MCTP1: variants seen among roughly 807,000 people sequenced by gnomAD.
The protein encoded by MCTP1 is multiple C2 and transmembrane domain containing 1.
Under a neutral mutation model 120.6 loss-of-function variants are expected in MCTP1, and 69 were observed. That is an observed-to-expected ratio of 0.57 (90% confidence interval 0.47 to 0.70). The LOEUF is 0.70. Among genes scored for constraint, MCTP1 ranks in the 30% least tolerant of loss-of-function variants. The probability of loss-of-function intolerance (pLI) is 0.00; values close to 1 mark genes in which losing one functional copy is unlikely to be tolerated. For synonymous variants in MCTP1, 529 were observed against 493.1 expected, an observed-to-expected ratio of 1.07 and a Z score of -0.96; for missense variants, 1,203 against 1,248.8, an observed-to-expected ratio of 0.96 and a Z score of 0.55.
In MCTP1 at chr5:94,883,146, GT is replaced by G. The variant is rs567504867; in HGVS notation, c.1933+5732del. 1.6e-4 allele frequency among the ~76,000 whole-genome samples: 25 copies of G among 152,214 alleles called. No homozygotes were observed. In the South Asian group the frequency reaches 5.0e-3, roughly 30 times the overall value. Reference sequence around the variant, plus strand: ...TTCTTTCCCTGTGATATTTTTATTTGTTTAGGCTCATTCTTAAGGAAAAGAT... The same window carrying G: ...TTCTTTCCCTGTGATATTTTTATTTGTTAGGCTCATTCTTAAGGAAAAGAT... On this transcript the variant is annotated intron_variant, in intron 12 of 22. Transcript: ENST00000515393.
At chr5:94,721,773 T>C (rs1050480067) in intron 19 of MCTP1, among the ~76,000 whole-genome samples, 14 of 152,034 alleles carry the variant, frequency 9.2e-5, no homozygotes, top group South Asian at 8.3e-4. Flanking sequence ...TGCTTTACTT[T>C]ATAAAGCAGC....
At position 94,706,587 on chromosome 5, in the gene MCTP1, TTC is replaced by T. The variant is rs1491326179; in HGVS notation, c.*907_*908del. On this transcript the variant is annotated 3_prime_UTR_variant, in exon 23 of 23. Transcript: ENST00000515393. ...TCTAATGAGAAAGCAGGTTTTTTTT[TTC>T]TCTGAGAGCACTTGAGTATTTATTA... 1.3e-5 allele frequency: 2 copies of T among 151,432 alleles called. No individual in the cohort carries two copies. The highest frequency in any genetic ancestry group is 4.8e-5 in the African/African-American group (2 of 41,298). The allele number at this position is 151,432 out of a possible 1,614,324, so 9.4% of individuals were successfully genotyped here. A position where few individuals can be genotyped will look rare whatever the true frequency, so the allele number is the denominator to read the frequency against.
chr5:94,824,247 G>T (rs75001585), intron 17 of MCTP1, among the ~76,000 whole-genome samples: 3 of 152,096 alleles, frequency 2.0e-5, no homozygotes, highest in Non-Finnish European at 4.4e-5. Flanking sequence ...AATGTTTTTA[G>T]CATGAAGGGG....
chr5:95,193,866 T>TA (rs1750092055), intron 1 of MCTP1, among the ~76,000 whole-genome samples: 1 of 152,134 alleles, frequency 6.6e-6, no homozygotes, highest in South Asian at 2.1e-4. Flanking sequence ...GAACCCCCTA[T>TA]AAAGTAAGAA....
intron 19 of MCTP1, among the ~76,000 whole-genome samples, chr5:94,764,138 C>G (rs1172836581): frequency 6.6e-6 from 1 of 152,162 alleles, no homozygotes; most frequent in Non-Finnish European, 1.5e-5. Context: ...TATGGCAGAG[C>G]CAAGGATGAC....
At position 94,706,588 on chromosome 5, in the gene MCTP1, T is replaced by A. The variant is rs1185847568; in HGVS notation, c.*908A>T. 1.3e-5 allele frequency: 2 copies of A among 151,318 alleles called. No homozygotes were observed. The highest frequency in any genetic ancestry group is 3.0e-5 in the Non-Finnish European group (2 of 67,716). 9.4% of individuals were successfully genotyped at this position (151,318 alleles called of 1,614,324 possible). A position where few individuals can be genotyped will look rare whatever the true frequency, so the allele number is the denominator to read the frequency against. ...CTAATGAGAAAGCAGGTTTTTTTTT[T>A]CTCTGAGAGCACTTGAGTATTTATT... On this transcript the variant is annotated 3_prime_UTR_variant, in exon 23 of 23. Transcript: ENST00000515393.
intron 1 of MCTP1, among the ~76,000 whole-genome samples, chr5:95,271,797 T>G (rs889933226): frequency 1.1e-4 from 16 of 151,270 alleles, no homozygotes; most frequent in African/African-American, 3.9e-4. Flanking sequence ...TATATAGCTA[T>G]ATAGATAGAT....
At chr5:94,892,599 T>C (rs17084215) in intron 11 of MCTP1, among the ~76,000 whole-genome samples, 1,814 of 152,268 alleles carry the variant, frequency 0.012, 28 homozygotes, top group East Asian at 0.044. Context: ...GTTTAATTTG[T>C]GGGGCTTCAA....
At chr5:95,127,154 CAAAT>C (rs1758694709) in intron 1 of MCTP1, among the ~76,000 whole-genome samples, 1 of 151,242 alleles carries the variant, frequency 6.6e-6, no homozygotes, top group Non-Finnish European at 1.5e-5. Context: ...ATTTGGATGA[CAAAT>C]AAAATATTCT....
intron 1 of MCTP1, among the ~76,000 whole-genome samples, chr5:95,165,674 G>A (rs1463388788): frequency 1.3e-5 from 2 of 152,146 alleles, no homozygotes; most frequent in Non-Finnish European, 1.5e-5. Flanking sequence ...CCTGAAGTCC[G>A]CTTGAAACTT....
intron 1 of MCTP1, among the ~76,000 whole-genome samples, chr5:95,176,176 A>C (rs1446687681): frequency 6.6e-6 from 1 of 152,058 alleles, no homozygotes; most frequent in African/African-American, 2.4e-5. Flanking sequence ...ATTTTTTTTT[A>C]ACAAATATTT....
At chr5:94,942,482 T>A (rs565473498) in intron 3 of MCTP1, 55 bp from the exon 4 acceptor site, 1 of 1,243,046 alleles carries the variant, frequency 8.0e-7, no homozygotes, top group Non-Finnish European at 1.2e-6. Context: ...ATAAGCTTTA[T>A]GTGATAATGT....
chr5:94,952,219 A>T (rs1335433357), intron 3 of MCTP1, among the ~76,000 whole-genome samples: 14 of 143,922 alleles, frequency 9.7e-5, no homozygotes, highest in Admixed American at 9.3e-4. Flanking sequence ...TTCTTTAGCC[A>T]GTGTCCAATG....
intron 17 of MCTP1, among the ~76,000 whole-genome samples, chr5:94,802,617 G>C (rs930246031): frequency 6.6e-6 from 1 of 152,098 alleles, no homozygotes; most frequent in South Asian, 2.1e-4. Context: ...AGAGAAATAA[G>C]GCAGCTGGAA....
At chr5:94,755,841 C>A (rs1769694874) in intron 19 of MCTP1, among the ~76,000 whole-genome samples, 1 of 152,158 alleles carries the variant, frequency 6.6e-6, no homozygotes, top group African/African-American at 2.4e-5. Flanking sequence ...ATTTAAAAGT[C>A]TCTGCTATAA....
chr5:95,092,987 A>C (rs1401266517), intron 1 of MCTP1, among the ~76,000 whole-genome samples: 1 of 152,372 alleles, frequency 6.6e-6, no homozygotes, highest in South Asian at 2.1e-4. Flanking sequence ...GTAAAGAAGC[A>C]CTTACCTTGA....
At chr5:94,810,040 A>G (rs1442039375) in intron 17 of MCTP1, among the ~76,000 whole-genome samples, 2 of 152,136 alleles carry the variant, frequency 1.3e-5, no homozygotes, top group African/African-American at 4.8e-5. Flanking sequence ...TAACTTTTTC[A>G]TGATAGTCTA....
At chr5:95,171,421 G>A (rs995920518) in intron 1 of MCTP1, among the ~76,000 whole-genome samples, 3 of 152,058 alleles carry the variant, frequency 2.0e-5, no homozygotes, top group Admixed American at 6.6e-5. Flanking sequence ...GTATCTTTGT[G>A]GTGTTTTCTG....
At chr5:94,721,558 C>T (rs972949230) in intron 19 of MCTP1, among the ~76,000 whole-genome samples, 1 of 152,048 alleles carries the variant, frequency 6.6e-6, no homozygotes, top group East Asian at 1.9e-4. Flanking sequence ...TAAAATTTTC[C>T]TTTTAAAATC....
Sources: allele counts gnomAD v4.1 joint callset (sites outside exome capture counted in the v4.1 genomes callset), GRCh38; gene constraint gnomAD v4.1.1; transcripts MANE v1.5; gene names NCBI Gene and HGNC (gene_info 2026-07-23, HGNC 2026-07-21).